SAMD5: variants seen among roughly 807,000 people sequenced by gnomAD.
The protein encoded by SAMD5 is sterile alpha motif domain containing 5.
A neutral mutation model predicts 11.3 loss-of-function variants in SAMD5; 13 were observed. The observed-to-expected ratio is 1.15, with a 90% CI of 0.75 to 1.83. The LOEUF is 1.83. Among genes scored for constraint, SAMD5 ranks in the 40% most tolerant of loss-of-function variants. The pLI is 0.00. For synonymous variants in SAMD5, 129 were observed against 111.3 expected, an observed-to-expected ratio of 1.16 and a Z score of -1.00; for missense variants, 255 against 239.1, an observed-to-expected ratio of 1.07 and a Z score of -0.44.
At chr6:147,778,626 A>G in the SAMD5 span, among the ~76,000 whole-genome samples, 12 of 152,288 alleles carry the variant, frequency 7.9e-5, no homozygotes, top group South Asian at 2.5e-3. Flanking sequence ...TGCAAAATTA[A>G]CACAGAGCTT....
the SAMD5 span, among the ~76,000 whole-genome samples, chr6:147,943,360 G>C: frequency 1.3e-5 from 2 of 152,052 alleles, no homozygotes; most frequent in East Asian, 3.9e-4. Context: ...GTCTGCATTT[G>C]CTGCTCTAAG....
rs553353859 is a variant in SAMD5, at chr6:147,722,289, T to TC, written c.163-15025dup. ...ATATAGTCGATTTGTGTTTTTTTTT[T>TC]CCCAAAGAATAATTAGCATTGTATA... On this transcript the variant is annotated intron_variant, in intron 1 of 1. Coordinates refer to the SAMD5 transcript ENST00000566741. 3.4e-4 allele frequency among the ~76,000 whole-genome samples: 52 copies of TC among 152,168 alleles called. No individual in the cohort carries two copies. The East Asian group carries it at 7.9e-3, about 23-fold the overall frequency.
At chr6:147,804,985 T>C in the SAMD5 span, among the ~76,000 whole-genome samples, 1 of 152,208 alleles carries the variant, frequency 6.6e-6, no homozygotes, top group Non-Finnish European at 1.5e-5. Context: ...AAAATCATCT[T>C]TCCATGAGTG....
At chr6:147,821,683 A>G in the SAMD5 span, among the ~76,000 whole-genome samples, 2 of 152,240 alleles carry the variant, frequency 1.3e-5, no homozygotes, top group Non-Finnish European at 2.9e-5. Flanking sequence ...GTTTTCCAGT[A>G]AAACGGAAGA....
chr6:147,791,510 A>G, the SAMD5 span, among the ~76,000 whole-genome samples: 3 of 152,086 alleles, frequency 2.0e-5, no homozygotes, highest in Admixed American at 6.6e-5. Flanking sequence ...TTCTTTATGA[A>G]TACAGCTTGT....
Position 147,509,161 on chromosome 6 carries a change from C to A in SAMD5, c.233C>A (p.Pro78Gln). The A allele has an allele frequency of 7.2e-7, 1 of 1,380,550 alleles. No individual in the cohort carries two copies. Among genetic ancestry groups the A allele is most frequent in the Non-Finnish European group, 9.4e-7 (1 of 1,067,002 alleles). The allele number at this position is 1,380,550 out of a possible 1,614,324, so 85.5% of individuals were successfully genotyped here. ...GCCGGCCTCTACTTCACGCTTGAGC[C>A]GCAGCCGGCGCCCCCCGGGCCGCCC... ...NAAGLYFTLE[P>Q]QPAPPGPPAD... The change falls in exon 1 of 2, where the codon CCG (proline) becomes CAG (glutamine). Residue 78 changes from proline to glutamine, a missense_variant. Physicochemically the swap from Pro to Gln is moderately conservative, Grantham distance 76 (BLOSUM62 -1). Transcript: ENST00000367474.
At chr6:147,698,079 G>A (rs772060368) in intron 1 of SAMD5, among the ~76,000 whole-genome samples, 4 of 152,092 alleles carry the variant, frequency 2.6e-5, no homozygotes, top group Non-Finnish European at 5.9e-5. Context: ...TTCACAGTAG[G>A]GTTTGTGCTC....
rs530457292 is a variant in SAMD5 at position 147,565,744 on chromosome 6, G to A, written c.*1288G>A. 7.1e-6 allele frequency: 7 copies of A among 984,474 alleles called. No homozygotes were observed. The East Asian group carries it at 6.8e-4, about 96-fold the overall frequency. The allele number at this position is 984,474 out of a possible 1,614,324, so 61.0% of individuals were successfully genotyped here. A position where few individuals can be genotyped will look rare whatever the true frequency, so the allele number is the denominator to read the frequency against. On this transcript the variant is annotated 3_prime_UTR_variant, in exon 2 of 2. Coordinates refer to ENST00000367474, the MANE Select transcript of SAMD5 (RefSeq NM_001030060.3). ...AGTAGCGCTGGGATTACAGGCGTGA[G>A]CCATCACACCCGGCCTGGATGCTGG... is the stretch of plus-strand genomic sequence containing the variant.
chr6:147,693,867 G>T (rs1791138507), intron 1 of SAMD5, among the ~76,000 whole-genome samples: 1 of 152,174 alleles, frequency 6.6e-6, no homozygotes, highest in Non-Finnish European at 1.5e-5. Context: ...TACTCGGGAG[G>T]CTGAGGCAGG....
At chr6:147,519,273 AT>A (rs1186534422) in intron 1 of SAMD5, among the ~76,000 whole-genome samples, 2 of 152,288 alleles carry the variant, frequency 1.3e-5, no homozygotes, top group East Asian at 1.9e-4. Flanking sequence ...AAAATGTATC[AT>A]TTTTTAATAC....
chr6:147,549,122 T>G (rs1788729064), intron 1 of SAMD5, among the ~76,000 whole-genome samples: 1 of 152,308 alleles, frequency 6.6e-6, no homozygotes, highest in Non-Finnish European at 1.5e-5. Flanking sequence ...AAAACTTCAT[T>G]GTTGAAAGCC....
At chr6:147,929,072 T>G in the SAMD5 span, among the ~76,000 whole-genome samples, 1 of 152,114 alleles carries the variant, frequency 6.6e-6, no homozygotes, top group East Asian at 1.9e-4. Context: ...TTGTTTTTCA[T>G]GGTAGTCTTT....
At chr6:147,741,153 A>G (rs1791874191), downstream of SAMD5, among the ~76,000 whole-genome samples, 2 of 152,212 alleles carry the variant, frequency 1.3e-5, no homozygotes, top group South Asian at 4.1e-4. Flanking sequence ...TATGGACATT[A>G]GATCTACTAG....
chr6:147,557,775 C>T (rs941167019), intron 1 of SAMD5, among the ~76,000 whole-genome samples: 9 of 152,200 alleles, frequency 5.9e-5, no homozygotes, highest in African/African-American at 2.2e-4. Flanking sequence ...AGTTTCCCAA[C>T]ATAAAATGAT....
chr6:147,601,734 T>C (rs537213149), intron 1 of SAMD5, among the ~76,000 whole-genome samples: 1 of 152,256 alleles, frequency 6.6e-6, no homozygotes, highest in Non-Finnish European at 1.5e-5. Context: ...CATGTTACTG[T>C]TCTTCATGTC....
chr6:147,861,232 T>G, the SAMD5 span, among the ~76,000 whole-genome samples: 1 of 152,090 alleles, frequency 6.6e-6, no homozygotes, highest in Non-Finnish European at 1.5e-5. Context: ...TGGCGCGATC[T>G]TGGTTCATTG....
At chr6:147,712,521 C>T (rs1791414093) in intron 1 of SAMD5, among the ~76,000 whole-genome samples, 1 of 152,150 alleles carries the variant, frequency 6.6e-6, no homozygotes, top group Admixed American at 6.6e-5. Flanking sequence ...TCCCTCTTCC[C>T]TAAATTCATG....
chr6:147,937,712 A>G, the SAMD5 span, among the ~76,000 whole-genome samples: 11 of 152,360 alleles, frequency 7.2e-5, no homozygotes, highest in Admixed American at 6.5e-4. Context: ...CCAGAGGGTT[A>G]AAACTATCCT....
chr6:147,902,261 T>C, the SAMD5 span, among the ~76,000 whole-genome samples: 18 of 152,190 alleles, frequency 1.2e-4, no homozygotes, highest in Non-Finnish European at 2.5e-4. Flanking sequence ...AAAAATGCTA[T>C]GTATCAAAGC....
Sources: gnomAD v4.1 joint callset for allele counts (sites outside exome capture counted in the v4.1 genomes callset) on GRCh38, gnomAD v4.1.1 for gene constraint, MANE v1.5 for transcripts, NCBI Gene and HGNC (gene_info 2026-07-23, HGNC 2026-07-21) for gene names.